The following TOGARAM2 variants were observed in gnomAD, a reference collection of about 807,000 sequenced individuals.
The protein encoded by TOGARAM2 is TOG array regulator of axonemal microtubules protein 2.
Under a neutral mutation model 93.3 loss-of-function variants are expected in TOGARAM2, and 85 were observed. That is an observed-to-expected ratio of 0.91 (90% CI 0.76 to 1.09). The LOEUF (loss-of-function observed/expected upper bound fraction) is 1.09, where lower values mean the gene tolerates loss of function less well. Among genes scored for constraint, TOGARAM2 ranks in the 50% least tolerant of loss-of-function variants. TOGARAM2 has a pLI of 0.00. For missense variants in TOGARAM2, 1,277 were observed against 1,334.5 expected (o/e 0.96, Z 0.67); for synonymous variants, 593 against 552.8 (o/e 1.07, Z -1.02).
At position 29,026,942 on chromosome 2, in the gene TOGARAM2, C is replaced by T. The variant is rs1487928334; in HGVS notation, c.1943C>T (p.Thr648Ile). 1.3e-6 allele frequency: 2 copies of T among 1,575,144 alleles called. No homozygotes were observed. Among genetic ancestry groups the T allele is most frequent in the Non-Finnish European group, 1.7e-6 (2 of 1,160,236 alleles). Residue 648 changes from threonine to isoleucine, a missense_variant, in exon 14 of 20, where the codon ACC (threonine) becomes ATC (isoleucine). By Grantham distance (89) the Thr-to-Ile change is moderately conservative. Transcript: ENST00000379558. ...GGCGCTGAGAAGCTTCTCTCGGGCA[C>T]CAGAGACAGCACAGACATGTTGGTG... ...QIGAEKLLSG[T>I]RDSTDMLVHN...
At chr2:29,019,277 T>A (rs900308365) in intron 10 of TOGARAM2, among the ~76,000 whole-genome samples, 10 of 150,240 alleles carry the variant, frequency 6.7e-5, no homozygotes, top group Non-Finnish European at 1.2e-4. Flanking sequence ...GCCTCCTGGG[T>A]TCAAGTGATC....
intron 1 of TOGARAM2, among the ~76,000 whole-genome samples, chr2:28,985,298 T>C (rs898371519): frequency 2.6e-5 from 4 of 151,930 alleles, no homozygotes; most frequent in Admixed American, 2.0e-4. Context: ...ACCTTGATCT[T>C]GGACTTCCCA....
chr2:29,020,261 G>T (rs113630722), intron 10 of TOGARAM2, among the ~76,000 whole-genome samples: 1 of 137,676 alleles, frequency 7.3e-6, no homozygotes, highest in African/African-American at 3.5e-5. Context: ...GATTGGGAAT[G>T]GATGTGGGTT....
At chr2:28,968,146 G>A (rs1671892893) in intron 1 of TOGARAM2, among the ~76,000 whole-genome samples, 1 of 152,030 alleles carries the variant, frequency 6.6e-6, no homozygotes, top group African/African-American at 2.4e-5. Flanking sequence ...TGTGTCTGGG[G>A]ACAAGGACCC....
At position 29,017,997 on chromosome 2, in the gene TOGARAM2, C is replaced by G. The variant is rs375709159; in HGVS notation, c.1360+41C>G. On this transcript the variant is annotated intron_variant, in intron 10 of 19. Transcript: ENST00000379558. The stretch of plus-strand genomic sequence containing the variant: ...TGGCAGGCACACGTGTCCCTCTGCC[C>G]ATGCTGCCTCAGGATGCCCTGAGGC... 93 of 1,535,818 alleles carry G rather than the reference C, an allele frequency of 6.1e-5. No homozygotes were observed. In the African/African-American group the frequency reaches 1.2e-3, roughly 20 times the overall value.
At chr2:29,020,680 A>G (rs367720190) in intron 10 of TOGARAM2, among the ~76,000 whole-genome samples, 32 of 152,174 alleles carry the variant, frequency 2.1e-4, no homozygotes, top group African/African-American at 7.5e-4. Context: ...GGGGGGCAGC[A>G]GGGCAGGTGG....
intron 1 of TOGARAM2, among the ~76,000 whole-genome samples, chr2:28,987,510 C>T (rs1328344789): frequency 2.6e-5 from 4 of 152,170 alleles, no homozygotes; most frequent in Non-Finnish European, 5.9e-5. Flanking sequence ...AGGATAGTCT[C>T]GATCTCCTGA....
intron 7 of TOGARAM2, among the ~76,000 whole-genome samples, chr2:29,012,920 T>TC (rs1365099361): frequency 1.3e-5 from 2 of 152,142 alleles, no homozygotes; most frequent in Non-Finnish European, 2.9e-5. Context: ...AAGCCCCTCT[T>TC]CCCCCTTGGC....
intron 6 of TOGARAM2, among the ~76,000 whole-genome samples, chr2:29,007,620 T>A (rs1438128711): frequency 6.6e-6 from 1 of 152,148 alleles, no homozygotes; most frequent in Non-Finnish European, 1.5e-5. Flanking sequence ...ATTTTCCTGC[T>A]TCCCCCGCCA....
Position 29,011,454 on chromosome 2 carries a change from G to A in TOGARAM2, c.831-1G>A. ...GCTTTTCTCTCCCCCGTTCTTTTAA[G>A]ATTGGCTCGGGGGAGTGGGCCTCGG... On this transcript the variant is annotated splice_acceptor_variant, in intron 6 of 19. Coordinates refer to ENST00000379558, the MANE Select transcript of TOGARAM2 (RefSeq NM_199280.4). LOFTEE classifies it high-confidence loss of function. The A allele has an allele frequency of 6.2e-7, 1 of 1,610,818 alleles. No homozygotes were observed. The highest frequency in any genetic ancestry group is 8.5e-7 in the Non-Finnish European group (1 of 1,178,614).
At chr2:29,001,580 A>T (rs1160627795) in intron 4 of TOGARAM2, among the ~76,000 whole-genome samples, 1 of 150,450 alleles carries the variant, frequency 6.6e-6, no homozygotes, top group Non-Finnish European at 1.5e-5. Flanking sequence ...GGCTCACCGC[A>T]ACCTCCACCT....
upstream of TOGARAM2, among the ~76,000 whole-genome samples, chr2:28,979,014 C>T (rs1672074829): frequency 6.6e-6 from 1 of 152,166 alleles, no homozygotes; most frequent in Non-Finnish European, 1.5e-5. Context: ...GAAAAGAAGT[C>T]ACAACAAATG....
At chr2:29,014,946 T>C (rs1261706618) in intron 8 of TOGARAM2, among the ~76,000 whole-genome samples, 1 of 152,130 alleles carries the variant, frequency 6.6e-6, no homozygotes, top group Non-Finnish European at 1.5e-5. Context: ...ACACCCAAGA[T>C]AGCAAATGAG....
chr2:29,012,918 C>A (rs756037478), intron 7 of TOGARAM2, among the ~76,000 whole-genome samples: 21 of 152,238 alleles, frequency 1.4e-4, no homozygotes, highest in Non-Finnish European at 2.5e-4. Context: ...CAAAGCCCCT[C>A]TTCCCCCTTG....
In TOGARAM2 at chr2:29,051,926, G is replaced by T. The variant is rs1176930207; in HGVS notation, c.2893G>T (p.Gly965Cys). 1 of 1,598,474 alleles carries T rather than the reference G, an allele frequency of 6.3e-7. No individual in the cohort carries two copies. The highest frequency in any genetic ancestry group is 1.3e-5 in the African/African-American group (1 of 74,576). The change falls in exon 20 of 20, where the codon GGC becomes TGC. Residue 965 changes from glycine to cysteine, a missense_variant. By Grantham distance (159) the Gly-to-Cys change is radical. Transcript: ENST00000379558. ...RLSRSLQEHM[G>C]SRLLDFAASQ... Reference sequence around the variant, plus strand: ...GTCCAGGAGCCTCCAGGAGCACATGGGCTCCCGCCTGCTGGACTTTGCCGC... The same window carrying T: ...GTCCAGGAGCCTCCAGGAGCACATGTGCTCCCGCCTGCTGGACTTTGCCGC...
At chr2:29,005,494 TGAGTGCA>T (rs1673688627) in intron 6 of TOGARAM2, among the ~76,000 whole-genome samples, 1 of 105,220 alleles carries the variant, frequency 9.5e-6, no homozygotes, top group African/African-American at 3.2e-5. Flanking sequence ...TGCATGTGTG[TGAGTGCA>T]TGTGTTTGTG....
At chr2:29,043,727 TG>T (rs1310859609) in intron 18 of TOGARAM2, among the ~76,000 whole-genome samples, 1 of 152,270 alleles carries the variant, frequency 6.6e-6, no homozygotes, top group Non-Finnish European at 1.5e-5. Flanking sequence ...CTTGGCATGC[TG>T]GTTTCTCTGC....
At chr2:29,028,417 T>G (rs560710593) in intron 14 of TOGARAM2, among the ~76,000 whole-genome samples, 17 of 152,304 alleles carry the variant, frequency 1.1e-4, no homozygotes, top group Admixed American at 9.1e-4. Flanking sequence ...GATGCATGTG[T>G]GTGCTCCAGC....
chr2:29,003,626 C>A lies in TOGARAM2; in HGVS notation c.774C>A (p.Pro258=). ...CCTCCCGTGTGCCTGGCTCCCTTCCCAGCCCGTTACCTCCAGGCCAGGGAG... is the reference window on the plus strand; with the variant it reads ...CCTCCCGTGTGCCTGGCTCCCTTCCAAGCCCGTTACCTCCAGGCCAGGGAG... ...ATPSRVPGSL[P]SPLPPGQGVL... The change falls in exon 6 of 20, where the codon CCC becomes CCA. Residue 258 remains proline (P), a synonymous_variant. Transcript: ENST00000379558. The A allele has an allele frequency of 1.9e-6, 3 of 1,593,752 alleles. No homozygotes were observed. The highest frequency in any genetic ancestry group is 2.6e-6 in the Non-Finnish European group (3 of 1,171,124).
Sources: allele counts gnomAD v4.1 joint callset (sites outside exome capture counted in the v4.1 genomes callset), GRCh38; gene constraint gnomAD v4.1.1; transcripts MANE v1.5; gene names NCBI Gene and HGNC (gene_info 2026-07-23, HGNC 2026-07-21).